The following HS3ST5 variants were observed in gnomAD, a reference collection of about 807,000 sequenced individuals.
HS3ST5 encodes heparan sulfate-glucosamine 3-sulfotransferase 5.
HS3ST5 carries 10 observed loss-of-function variants against 25.4 expected under a neutral mutation model. The observed-to-expected ratio is 0.39, with a 90% confidence interval of 0.24 to 0.67. The LOEUF is 0.67. Among genes scored for constraint, HS3ST5 ranks in the 30% least tolerant of loss-of-function variants. The pLI is 0.44. For synonymous variants in HS3ST5, 170 were observed against 162.4 expected, an observed-to-expected ratio of 1.05 and a Z score of -0.36; for missense variants, 324 against 420.7, an observed-to-expected ratio of 0.77 and a Z score of 2.01.
chr6:114,227,296 T>C (rs929379882), intron 2 of HS3ST5, among the ~76,000 whole-genome samples: 2 of 134,032 alleles, frequency 1.5e-5, no homozygotes, highest in Non-Finnish European at 1.7e-5. Flanking sequence ...GGATAAAAAA[T>C]TCTACATAAT....
chr6:114,228,840 GAA>G (rs1202792508), intron 1 of HS3ST5, 62 bp from the exon 2 acceptor site: 1 of 152,200 alleles, frequency 6.6e-6, no homozygotes, highest in Non-Finnish European at 1.5e-5. Context: ...CTGCTATGGA[GAA>G]AGTTATTTTC....
intron 3 of HS3ST5, among the ~76,000 whole-genome samples, chr6:114,095,273 A>G (rs1415561606): frequency 1.3e-5 from 2 of 152,200 alleles, no homozygotes; most frequent in African/African-American, 2.4e-5. Flanking sequence ...CCCTGGAGCC[A>G]TTCTGGCCTT....
intron 1 of HS3ST5, among the ~76,000 whole-genome samples, chr6:114,269,878 C>T (rs575482949): frequency 6.6e-6 from 1 of 152,280 alleles, no homozygotes; most frequent in Non-Finnish European, 1.5e-5. Flanking sequence ...TTCACACAGC[C>T]TTTCACTGGC....
At chr6:114,146,877 A>G (rs955028749) in intron 3 of HS3ST5, among the ~76,000 whole-genome samples, 2 of 152,162 alleles carry the variant, frequency 1.3e-5, no homozygotes, top group Non-Finnish European at 1.5e-5. Context: ...GGAAGCTGCC[A>G]TGCTTGTGCC....
intron 2 of HS3ST5, among the ~76,000 whole-genome samples, chr6:114,170,260 T>G (rs933819223): frequency 6.6e-6 from 1 of 152,152 alleles, no homozygotes; most frequent in Admixed American, 6.5e-5. Context: ...AATTTATATA[T>G]GTATGTACAT....
intron 1 of HS3ST5, among the ~76,000 whole-genome samples, chr6:114,285,486 T>C (rs1447416079): frequency 6.6e-6 from 1 of 152,088 alleles, no homozygotes; most frequent in Non-Finnish European, 1.5e-5. Flanking sequence ...TGAAATACTA[T>C]GCAGCCTTAA....
At chr6:114,338,039 T>A (rs1370285327) in intron 1 of HS3ST5, among the ~76,000 whole-genome samples, 1 of 152,060 alleles carries the variant, frequency 6.6e-6, no homozygotes, top group African/African-American at 2.4e-5. Flanking sequence ...GTAGAGCTCT[T>A]TGGACATTGT....
chr6:114,299,925 C>G (rs1369399800), intron 1 of HS3ST5, among the ~76,000 whole-genome samples: 1 of 152,110 alleles, frequency 6.6e-6, no homozygotes, highest in Non-Finnish European at 1.5e-5. Context: ...TAAATGATTT[C>G]TATAAAAAAA....
chr6:114,334,974 T>G (rs930405807), intron 1 of HS3ST5, among the ~76,000 whole-genome samples: 10 of 152,160 alleles, frequency 6.6e-5, no homozygotes, highest in African/African-American at 1.9e-4. Flanking sequence ...TGAAATTAAA[T>G]TACTCTTTTG....
intron 2 of HS3ST5, among the ~76,000 whole-genome samples, chr6:114,209,076 T>G (rs1262178338): frequency 6.6e-6 from 1 of 152,130 alleles, no homozygotes; most frequent in Non-Finnish European, 1.5e-5. Flanking sequence ...ATTGGAATTA[T>G]GAGGTGTGGG....
intron 1 of HS3ST5, among the ~76,000 whole-genome samples, chr6:114,314,175 G>C (rs552048576): frequency 6.6e-6 from 1 of 152,122 alleles, no homozygotes; most frequent in East Asian, 1.9e-4. Context: ...TGATCCACCC[G>C]CCTCGGCCTC....
chr6:114,084,959 G>GTA lies in HS3ST5; in HGVS notation c.-32-22084_-32-22083dup, dbSNP rs540421479. On this transcript the variant is annotated intron_variant, in intron 3 of 4. Transcript: ENST00000312719. ...CGATTCCCCTGCCTCAACCTCCTAA[G>GTA]TAGCTGGGACTACAGGTGCGCACCA... 1.8e-3 allele frequency among the ~76,000 whole-genome samples: 275 copies of GTA among 150,250 alleles called. 1 individual carries two copies. The highest frequency in any genetic ancestry group is 5.9e-3 in the African/African-American group (243 of 40,872).
At chr6:114,233,287 A>G (rs998787749) in intron 1 of HS3ST5, among the ~76,000 whole-genome samples, 1 of 152,170 alleles carries the variant, frequency 6.6e-6, no homozygotes, top group Non-Finnish European at 1.5e-5. Context: ...CCTATAATAG[A>G]ATGCCATGCA....
chr6:114,177,703 T>C (rs898569166), intron 2 of HS3ST5, among the ~76,000 whole-genome samples: 2 of 152,232 alleles, frequency 1.3e-5, no homozygotes, highest in Admixed American at 1.3e-4. Context: ...GTTCTAGTTA[T>C]GAAGGAAGAA....
intron 3 of HS3ST5, among the ~76,000 whole-genome samples, chr6:114,135,864 C>G (rs899970495): frequency 6.6e-6 from 1 of 152,178 alleles, no homozygotes; most frequent in African/African-American, 2.4e-5. Flanking sequence ...AGGACTCCTA[C>G]TCCCCTGGGC....
chr6:114,221,401 T>A (rs1252246300), intron 2 of HS3ST5, among the ~76,000 whole-genome samples: 1 of 151,890 alleles, frequency 6.6e-6, no homozygotes, highest in East Asian at 1.9e-4. Flanking sequence ...AGTAACAATT[T>A]TATCTAATGG....
chr6:114,178,175 C>T (rs1779808556), intron 2 of HS3ST5, among the ~76,000 whole-genome samples: 1 of 152,024 alleles, frequency 6.6e-6, no homozygotes, highest in Non-Finnish European at 1.5e-5. Flanking sequence ...CAAAGGTTAC[C>T]CCAAAATAAT....
At chr6:114,145,013 CG>C (rs1182664977) in intron 3 of HS3ST5, among the ~76,000 whole-genome samples, 1 of 152,158 alleles carries the variant, frequency 6.6e-6, no homozygotes, top group African/African-American at 2.4e-5. Context: ...CTGATGCTCA[CG>C]GAAATTACTC....
chr6:114,133,811 G>A (rs1220556031), intron 3 of HS3ST5, among the ~76,000 whole-genome samples: 6 of 152,178 alleles, frequency 3.9e-5, no homozygotes, highest in African/African-American at 1.4e-4. Context: ...GGTTGAGATA[G>A]GGTGCAGGGG....
Sources: gnomAD v4.1 joint callset for allele counts (sites outside exome capture counted in the v4.1 genomes callset) on GRCh38, gnomAD v4.1.1 for gene constraint, MANE v1.5 for transcripts, NCBI Gene and HGNC (gene_info 2026-07-23, HGNC 2026-07-21) for gene names.